Variants in COL25A1 observed in about 807,000 individuals in gnomAD.
The protein encoded by COL25A1 is collagen type XXV alpha 1 chain, also known as collagen alpha-1(XXV) chain.
In COL25A1, 103 loss-of-function variants were observed where a neutral mutation model predicts 128.4. The observed-to-expected ratio is 0.80, with a 90% CI of 0.68 to 0.94. The LOEUF is 0.94. Among genes scored for constraint, COL25A1 ranks in the 40% least tolerant of loss-of-function variants. The pLI, the probability that COL25A1 is intolerant of heterozygous loss-of-function variation, is 0.00. For missense variants in COL25A1, 745 were observed against 840.0 expected (o/e 0.89, Z 1.40); for synonymous variants, 279 against 277.2 (o/e 1.01, Z -0.06).
At chr4:108,971,035 C>G (rs1295529270) in intron 8 of COL25A1, among the ~76,000 whole-genome samples, 1 of 152,074 alleles carries the variant, frequency 6.6e-6, no homozygotes, top group Non-Finnish European at 1.5e-5. Context: ...TATGTACTGT[C>G]TTGCTCTTCA....
chr4:108,831,756 CA>C (rs1733148606), intron 32 of COL25A1, among the ~76,000 whole-genome samples: 1 of 150,608 alleles, frequency 6.6e-6, no homozygotes, highest in African/African-American at 2.4e-5. Context: ...AAGTTCCAGA[CA>C]GATGACCATT....
At chr4:109,147,816 CAAAAA>C (rs34761348) in intron 3 of COL25A1, among the ~76,000 whole-genome samples, 1 of 100,508 alleles carries the variant, frequency 9.9e-6, no homozygotes, top group African/African-American at 3.8e-5. Context: ...GACTCTGTCT[CAAAAA>C]AAAAAAAAAA....
At chr4:109,017,643 T>A in intron 5 of COL25A1, among the ~76,000 whole-genome samples, 1 of 152,194 alleles carries the variant, frequency 6.6e-6, no homozygotes, top group Non-Finnish European at 1.5e-5. Flanking sequence ...TTTAACACAC[T>A]CACAGATAGG....
chr4:108,838,245 C>A, intron 31 of COL25A1: 1 of 1,108,140 alleles, frequency 9.0e-7, no homozygotes, highest in South Asian at 1.4e-5. Flanking sequence ...GAGAAGAGAG[C>A]CAGTCTCTGA....
At chr4:108,971,161 T>C (rs1324342254) in intron 8 of COL25A1, among the ~76,000 whole-genome samples, 2 of 152,190 alleles carry the variant, frequency 1.3e-5, no homozygotes, top group African/African-American at 4.8e-5. Context: ...CACCTCTTGG[T>C]ATATCTATTT....
At chr4:109,052,934 C>G (rs1028754930) in intron 3 of COL25A1, among the ~76,000 whole-genome samples, 4 of 152,076 alleles carry the variant, frequency 2.6e-5, no homozygotes, top group African/African-American at 9.7e-5. Context: ...CATACAGAAG[C>G]TGGAACATGG....
At chr4:109,241,874 T>C (rs1356302058) in intron 3 of COL25A1, among the ~76,000 whole-genome samples, 1 of 152,108 alleles carries the variant, frequency 6.6e-6, no homozygotes, top group Non-Finnish European at 1.5e-5. Context: ...TTTGTACAGA[T>C]TCCTGATGTA....
chr4:108,815,624 G>A (rs1731179882), intron 37 of COL25A1, among the ~76,000 whole-genome samples: 1 of 151,990 alleles, frequency 6.6e-6, no homozygotes, highest in Admixed American at 6.6e-5. Flanking sequence ...AGTGTATAGT[G>A]TCTATTCTGT....
chr4:109,080,750 G>A (rs376739038), intron 3 of COL25A1, among the ~76,000 whole-genome samples: 5 of 151,920 alleles, frequency 3.3e-5, no homozygotes, highest in African/African-American at 4.8e-5. Flanking sequence ...TTTCACAATT[G>A]TACATAATTA....
rs79576590 is a variant in COL25A1, at chr4:109,255,983, C to T, written c.367+44600G>A. 7.7e-3 allele frequency among the ~76,000 whole-genome samples: 1,170 copies of T among 152,218 alleles called. 60 individuals carry two copies. In the South Asian group the frequency reaches 0.14, roughly 18 times the overall value. ...AGAGCATACCTAGCTCCCACATCATCTGCTCATCAATGCTAATCTCACCTC... is the reference window on the plus strand; with the variant it reads ...AGAGCATACCTAGCTCCCACATCATTTGCTCATCAATGCTAATCTCACCTC... On this transcript the variant is annotated intron_variant, in intron 3 of 37. Transcript: ENST00000399132.
intron 3 of COL25A1, among the ~76,000 whole-genome samples, chr4:109,155,524 C>A (rs1164616811): frequency 6.6e-6 from 1 of 152,176 alleles, no homozygotes; most frequent in African/African-American, 2.4e-5. Flanking sequence ...GCCTGTATAA[C>A]AAAATGCTAG....
At chr4:108,884,278 T>G in intron 18 of COL25A1, 56 bp from the exon 19 acceptor site, 1 of 1,496,684 alleles carries the variant, frequency 6.7e-7, no homozygotes, top group Non-Finnish European at 9.3e-7. Flanking sequence ...TCACAATATG[T>G]GGAGAAAAAC....
At chr4:108,900,117 C>G (rs1742666232) in intron 14 of COL25A1, among the ~76,000 whole-genome samples, 1 of 152,134 alleles carries the variant, frequency 6.6e-6, no homozygotes, top group Non-Finnish European at 1.5e-5. Context: ...TGGAACTCAA[C>G]CTGACCCTTT....
chr4:109,178,054 T>C (rs893284268), intron 3 of COL25A1, among the ~76,000 whole-genome samples: 3 of 152,232 alleles, frequency 2.0e-5, no homozygotes, highest in African/African-American at 7.2e-5. Context: ...ATACCATTTC[T>C]GGGGAATTGA....
intron 6 of COL25A1, among the ~76,000 whole-genome samples, chr4:108,987,914 T>C (rs189994915): frequency 4.0e-4 from 61 of 152,306 alleles, no homozygotes; most frequent in Admixed American, 3.2e-3. Context: ...GTCCTTTCCT[T>C]ATTTCTGAAC....
intron 5 of COL25A1, among the ~76,000 whole-genome samples, chr4:109,017,553 A>G (rs139616293): frequency 1.3e-5 from 2 of 152,344 alleles, no homozygotes; most frequent in African/African-American, 4.8e-5. Flanking sequence ...TGAGGAAATT[A>G]GTTTCACTAC....
Position 108,813,711 on chromosome 4 carries a change from G to A in COL25A1, c.*216C>T. 1 of 524,142 alleles carries A rather than the reference G, an allele frequency of 1.9e-6. No individual in the cohort carries two copies. Among genetic ancestry groups the A allele is most frequent in the Non-Finnish European group, 3.4e-6 (1 of 290,596 alleles). The allele number at this position is 524,142 out of a possible 1,614,324, so 32.5% of individuals were successfully genotyped here. A position where few individuals can be genotyped will look rare whatever the true frequency, so the allele number is the denominator to read the frequency against. ...TCTTCACATAAGATAAGGAGATACT[G>A]ATCTATATTTTTTGCAGGATTCTCA... is the stretch of plus-strand genomic sequence containing the variant. On this transcript the variant is annotated 3_prime_UTR_variant, in exon 38 of 38. Transcript: ENST00000399132.
chr4:108,835,636 C>A (rs929479564), intron 31 of COL25A1, among the ~76,000 whole-genome samples: 4 of 151,986 alleles, frequency 2.6e-5, no homozygotes, highest in African/African-American at 9.7e-5. Context: ...CTCACTGCAA[C>A]CTCCACCTCC....
chr4:109,076,812 A>G (rs1013557867), intron 3 of COL25A1, among the ~76,000 whole-genome samples: 45 of 152,066 alleles, frequency 3.0e-4, no homozygotes, highest in African/African-American at 9.6e-4. Context: ...GGAACGCACA[A>G]CCTAGATCCC....
Sources: gnomAD v4.1 joint callset for allele counts (sites outside exome capture counted in the v4.1 genomes callset) on GRCh38, gnomAD v4.1.1 for gene constraint, MANE v1.5 for transcripts, NCBI Gene and HGNC (gene_info 2026-07-23, HGNC 2026-07-21) for gene names.